BRSK2: variants seen among roughly 807,000 people sequenced by gnomAD.
The protein encoded by BRSK2 is serine/threonine-protein kinase BRSK2.
BRSK2 carries 19 observed loss-of-function variants against 83.3 expected under a neutral mutation model. That is an observed-to-expected ratio of 0.23 (90% CI 0.16 to 0.33). The LOEUF (loss-of-function observed/expected upper bound fraction) is 0.33. BRSK2 is among the 10% of genes least tolerant of loss of function. The probability of loss-of-function intolerance (pLI) is 1.00; values close to 1 mark genes in which losing one functional copy is unlikely to be tolerated. For synonymous variants in BRSK2, 519 were observed against 435.4 expected, an observed-to-expected ratio of 1.19 and a Z score of -2.39; for missense variants, 798 against 1,042.3, an observed-to-expected ratio of 0.77 and a Z score of 3.23.
intron 1 of BRSK2, among the ~76,000 whole-genome samples, chr11:1,401,548 C>T (rs1043689619): frequency 2.0e-5 from 3 of 152,222 alleles, no homozygotes; most frequent in African/African-American, 7.2e-5. Context: ...GCAGCCCCAC[C>T]TCCTGCAGGC....
In BRSK2 at chr11:1,423,161, C is replaced by T. The variant is rs1049277773; in HGVS notation, c.92-12879C>T. ...ATGTACCTCAGGGCCTCCCCCAGAG[C>T]GGTGCCTCGTGGGGGATGCGGTGCC... On this transcript the variant is annotated intron_variant, in intron 1 of 19. Transcript: ENST00000528841. The surrounding 1 kb of genome is among the most constrained non-coding windows in gnomAD (Gnocchi z 6.5). Among the ~76,000 whole-genome samples, 5 of 151,996 alleles carry T rather than the reference C, an allele frequency of 3.3e-5. No individual in the cohort carries two copies. The highest frequency in any genetic ancestry group is 9.7e-5 in the African/African-American group (4 of 41,368).
chr11:1,446,109 TGGGAGCTGAGCTGGGCTGGGCTGTG>T (rs1852052801), intron 12 of BRSK2, among the ~76,000 whole-genome samples: 1 of 124,842 alleles, frequency 8.0e-6, no homozygotes, highest in African/African-American at 3.5e-5. Flanking sequence ...TGGGCTGGGC[TGGGAGCTGAGCTGGGCTGGGCTGTG>T]CTGGACTGGA....
At position 1,438,995 on chromosome 11, in the gene BRSK2, G is replaced by A. The variant is rs1027350231; in HGVS notation, c.272+604G>A. Among the ~76,000 whole-genome samples, 2 of 152,212 alleles carry A rather than the reference G, an allele frequency of 1.3e-5. No homozygotes were observed. Among genetic ancestry groups the A allele is most frequent in the African/African-American group, 4.8e-5 (2 of 41,460 alleles). On this transcript the variant is annotated intron_variant, in intron 3 of 19. Transcript: ENST00000528841. The surrounding 1 kb of genome is among the most constrained non-coding windows in gnomAD (Gnocchi z 6.4). ...ATGGGCACAGTGGTCACTCACGGCAGTCTCCTCTGTGTGCTCTGATGGGGC... is the reference window on the plus strand; with the variant it reads ...ATGGGCACAGTGGTCACTCACGGCAATCTCCTCTGTGTGCTCTGATGGGGC...
chr11:1,425,908 C>T (rs143683240), intron 1 of BRSK2, among the ~76,000 whole-genome samples: 2,893 of 152,242 alleles, frequency 0.019, 42 homozygotes, highest in Non-Finnish European at 0.027. Flanking sequence ...ACACCTGCCC[C>T]GGGGCCAGTG....
intron 1 of BRSK2, chr11:1,410,999 C>T (rs977830112): frequency 1.7e-5 from 17 of 983,644 alleles, no homozygotes; most frequent in African/African-American, 3.5e-5. Flanking sequence ...GGAGCAGGGG[C>T]GGAGAGAACA....
At position 1,447,687 on chromosome 11, in the gene BRSK2, G is replaced by A. The variant is rs1319768760; in HGVS notation, c.1226+1780G>A. ...TCCTCTCTCGCCATCTTTGTGCAGC[G>A]GCCTCAGAGCCACGTGGAGTTCTTA... On this transcript the variant is annotated intron_variant, in intron 12 of 19. Transcript: ENST00000528841. 56 of 939,334 alleles carry A rather than the reference G, an allele frequency of 6.0e-5. No individual in the cohort carries two copies. The East Asian group carries it at 7.1e-4, about 12-fold the overall frequency. 58.2% of individuals were successfully genotyped at this position (939,334 alleles called of 1,614,324 possible).
At position 1,461,136 on chromosome 11, in the gene BRSK2, C is replaced by G; in HGVS notation, c.*413C>G. 8.0e-7 allele frequency: 1 copy of G among 1,244,294 alleles called. No individual in the cohort carries two copies. Among genetic ancestry groups the G allele is most frequent in the Non-Finnish European group, 1.1e-6 (1 of 906,286 alleles). The allele number at this position is 1,244,294 out of a possible 1,614,324, so 77.1% of individuals were successfully genotyped here. A position where few individuals can be genotyped will look rare whatever the true frequency, so the allele number is the denominator to read the frequency against. The stretch of plus-strand genomic sequence containing the variant: ...GGCAGCTCCTCGCCTCAGCTCCGCA[C>G]GGCCCGTGGGAGGAAGGCCAGGCTC... On this transcript the variant is annotated 3_prime_UTR_variant, in exon 20 of 20. Coordinates refer to ENST00000528841, the MANE Select transcript of BRSK2 (RefSeq NM_001256627.2).
chr11:1,450,173 T>G (rs1343681257), intron 13 of BRSK2, among the ~76,000 whole-genome samples: 1 of 151,402 alleles, frequency 6.6e-6, no homozygotes, highest in Non-Finnish European at 1.5e-5. Flanking sequence ...GGGGTGCATG[T>G]GCCGCGCGGC....
intron 4 of BRSK2, among the ~76,000 whole-genome samples, chr11:1,441,376 C>T (rs1344781344): frequency 2.7e-4 from 15 of 54,806 alleles, no homozygotes; most frequent in African/African-American, 1.3e-3. Context: ...CACCGTGCCC[C>T]CCATTAGCTG....
At chr11:1,440,041 G>A (rs969620623) in intron 3 of BRSK2, among the ~76,000 whole-genome samples, 2 of 152,176 alleles carry the variant, frequency 1.3e-5, no homozygotes, top group Admixed American at 6.5e-5. Context: ...CCACCCCCTT[G>A]GCTGTACAGC....
chr11:1,457,983 C>T (rs1051090609), intron 18 of BRSK2, among the ~76,000 whole-genome samples: 6 of 152,184 alleles, frequency 3.9e-5, no homozygotes, highest in South Asian at 2.1e-4. Context: ...GTACACGTGG[C>T]GCTTCCCTAC....
Position 1,454,499 on chromosome 11 carries a change from C to T in BRSK2, c.1559C>T (p.Ser520Phe). The T allele has an allele frequency of 6.2e-7, 1 of 1,613,148 alleles. No individual in the cohort carries two copies. Among genetic ancestry groups the T allele is most frequent in the Non-Finnish European group, 8.5e-7 (1 of 1,179,944 alleles). The change falls in exon 16 of 20, where the codon TCC (serine) becomes TTC (phenylalanine). Residue 520 changes from serine to phenylalanine, a missense_variant. Around this residue, in one of 6 missense-constraint regions of BRSK2, gnomAD observed 455 missense variants for 455.2 expected, o/e 1.00. Coordinates refer to ENST00000528841, the MANE Select transcript of BRSK2 (RefSeq NM_001256627.2). The surrounding 1 kb of genome is among the most constrained non-coding windows in gnomAD (Gnocchi z 5.2). ...PESSPELAKK[S>F]WFGNFISLEK... ...CCACTGCCCAGGCTGGCGAAGAAGT[C>T]CTGGTTTGGGAACTTCATCAGCCTG...
intron 1 of BRSK2, among the ~76,000 whole-genome samples, chr11:1,398,349 C>T (rs1846252377): frequency 6.6e-6 from 1 of 152,142 alleles, no homozygotes; most frequent in Non-Finnish European, 1.5e-5. Flanking sequence ...TGGCTGCTTC[C>T]CTGGGCGGGG....
Position 1,456,310 on chromosome 11 carries a change from G to A in BRSK2, c.1669-38G>A, listed in dbSNP as rs748022953. ...TCCCCAGAGGGCCAGGGTGGGACCT[G>A]CCAGGCCAGCCACGCTCACGCTGCT... On this transcript the variant is annotated intron_variant, in intron 16 of 19. Transcript: ENST00000528841. The A allele has an allele frequency of 2.3e-5, 35 of 1,514,090 alleles. 1 individual carries two copies. In the South Asian group the frequency reaches 4.4e-4, roughly 19 times the overall value. The allele number at this position is 1,514,090 out of a possible 1,614,324, so 93.8% of individuals were successfully genotyped here.
chr11:1,451,305 T>C, intron 14 of BRSK2, 66 bp from the exon 15 acceptor site: 1 of 1,582,862 alleles, frequency 6.3e-7, no homozygotes, highest in Non-Finnish European at 8.7e-7. Context: ...CGGCGCAAGG[T>C]GGCCAGGGCA....
chr11:1,446,603 C>G (rs1416302921), intron 12 of BRSK2, among the ~76,000 whole-genome samples: 1 of 152,038 alleles, frequency 6.6e-6, no homozygotes, highest in Non-Finnish European at 1.5e-5. Flanking sequence ...TCACAGAACT[C>G]AGCAGTGATG....
In BRSK2 at chr11:1,459,173, TCTCCATTCTGTA is replaced by T; in HGVS notation, c.1940-13_1940-2del. 1 of 1,612,650 alleles carries T rather than the reference TCTCCATTCTGTA, an allele frequency of 6.2e-7. No individual in the cohort carries two copies. Among genetic ancestry groups the T allele is most frequent in the Non-Finnish European group, 8.5e-7 (1 of 1,179,196 alleles). On this transcript the variant is annotated splice_region_variant and splice_polypyrimidine_tract_variant and intron_variant, in intron 18 of 19. Transcript: ENST00000528841. ...CCTTTCACTCACTCCCTCCCTCCTCTCTCCATTCTGTACTCCAGACACCACTAACTGTATGGA... is the reference window on the plus strand; with the variant it reads ...CCTTTCACTCACTCCCTCCCTCCTCTCTCCAGACACCACTAACTGTATGGA...
rs555287652 is a variant in BRSK2 at position 1,449,374 on chromosome 11, AG to A, written c.1227-395del. ...CTGCAGGCCCTGTGAGAGCTCAGCC[AG>A]GGGGGGCTTGGCAGGTGGGAGGCTG... On this transcript the variant is annotated intron_variant, in intron 12 of 19. Coordinates refer to ENST00000528841, the MANE Select transcript of BRSK2 (RefSeq NM_001256627.2). 1.9e-4 allele frequency among the ~76,000 whole-genome samples: 29 copies of A among 152,280 alleles called. 1 individual carries two copies. In the South Asian group the frequency reaches 5.8e-3, roughly 30 times the overall value.
chr11:1,442,070 C>G (rs1006164362), intron 4 of BRSK2, among the ~76,000 whole-genome samples: 4 of 147,992 alleles, frequency 2.7e-5, no homozygotes, highest in African/African-American at 1.0e-4. Context: ...CCCTGCACCT[C>G]CCCTTTCCCG....
Sources: allele counts gnomAD v4.1 joint callset (sites outside exome capture counted in the v4.1 genomes callset), GRCh38; gene constraint gnomAD v4.1.1; regional missense constraint gnomAD v4.1.1; non-coding constraint Gnocchi (gnomAD v3.1); transcripts MANE v1.5; gene names NCBI Gene and HGNC (gene_info 2026-07-23, HGNC 2026-07-21).